The following FOXRED1 variants were observed in gnomAD, a reference collection of about 807,000 sequenced individuals.
FOXRED1 encodes the protein FAD dependent oxidoreductase domain containing 1, also known as FAD-dependent oxidoreductase domain-containing protein 1.
FOXRED1 carries 52 observed loss-of-function variants against 57.8 expected under a neutral mutation model. The ratio of observed to expected loss-of-function variants is 0.90; its 90% CI spans 0.72 to 1.13. FOXRED1 has a LOEUF of 1.13. Ranked by LOEUF, FOXRED1 falls within the 50% of genes most tolerant of loss-of-function variation. FOXRED1 has a pLI of 0.00. For missense variants in FOXRED1, 589 were observed against 625.2 expected, an observed-to-expected ratio of 0.94 and a Z score of 0.62; for synonymous variants, 271 against 248.3, an observed-to-expected ratio of 1.09 and a Z score of -0.86.
chr11:126,277,049 T>C lies in FOXRED1; in HGVS notation c.1102-22T>C, dbSNP rs1296696544. On this transcript the variant is annotated intron_variant, in intron 9 of 10. Coordinates refer to ENST00000263578, the MANE Select transcript of FOXRED1 (RefSeq NM_017547.4). This position sits in a 1 kb window ranked among gnomAD's most constrained non-coding sequence, Gnocchi z 6.8. ...CCTTGTGTCCCAGGCAATGTAAGCG[T>C]TGTCCCCACCTCTCACTCCAGCAGG... is the stretch of plus-strand genomic sequence containing the variant. The C allele has an allele frequency of 6.8e-7, 1 of 1,465,350 alleles. No individual in the cohort carries two copies. The highest frequency in any genetic ancestry group is 1.1e-5 in the South Asian group (1 of 88,148). The allele number at this position is 1,465,350 out of a possible 1,614,324, so 90.8% of individuals were successfully genotyped here.
At position 126,272,751 on chromosome 11, in the gene FOXRED1, T is replaced by C; in HGVS notation, c.307-218T>C. ...TACCATTTTGTACCACTGTGTCAGC[T>C]CTTTCCAGATGACTGACCCTCTCTG... On this transcript the variant is annotated intron_variant, in intron 2 of 10. Transcript: ENST00000263578. This position sits in a 1 kb window ranked among gnomAD's most constrained non-coding sequence, Gnocchi z 4.6. The C allele has an allele frequency of 3.2e-6, 2 of 618,646 alleles. No homozygotes were observed. The highest frequency in any genetic ancestry group is 5.8e-6 in the Non-Finnish European group (2 of 344,072). 38.3% of individuals were successfully genotyped at this position (618,646 alleles called of 1,614,324 possible).
At position 126,275,772 on chromosome 11, in the gene FOXRED1, T is replaced by C; in HGVS notation, c.734-22T>C. 6.4e-7 allele frequency: 1 copy of C among 1,555,916 alleles called. No individual in the cohort carries two copies. Among genetic ancestry groups the C allele is most frequent in the African/African-American group, 1.4e-5 (1 of 73,966 alleles). ...TCCTCTTCAGCACCTCTACGGCCTA[T>C]TTTTCATTTTCTTCTCTGCAGGTTT... On this transcript the variant is annotated intron_variant, in intron 6 of 10. Coordinates refer to ENST00000263578, the MANE Select transcript of FOXRED1 (RefSeq NM_017547.4). This position sits in a 1 kb window ranked among gnomAD's most constrained non-coding sequence, Gnocchi z 5.9.
chr11:126,272,959 C>T lies in FOXRED1; in HGVS notation c.307-10C>T. The T allele has an allele frequency of 7.0e-7, 1 of 1,420,020 alleles. No homozygotes were observed. The highest frequency in any genetic ancestry group is 1.1e-5 in the South Asian group (1 of 87,246). 88.0% of individuals were successfully genotyped at this position (1,420,020 alleles called of 1,614,324 possible). A position where few individuals can be genotyped will look rare whatever the true frequency, so the allele number is the denominator to read the frequency against. On this transcript the variant is annotated splice_polypyrimidine_tract_variant and intron_variant, in intron 2 of 10. Transcript: ENST00000263578. The surrounding 1 kb of genome is among the most constrained non-coding windows in gnomAD (Gnocchi z 4.6). ...ACTGGTCTACCTCAACTTTTCTTGT[C>T]TTTCCACAGTATTCACAGGCCTCCA...
At chr11:126,269,539 G>A in intron 1 of FOXRED1, 1 of 697,572 alleles carries the variant, frequency 1.4e-6, no homozygotes, top group Non-Finnish European at 2.5e-6. Flanking sequence ...ATTGATAATC[G>A]GTGGCACAGA....
chr11:126,275,428 C>A lies in FOXRED1; in HGVS notation c.733C>A (p.Arg245Ser). The A allele has an allele frequency of 6.3e-7, 1 of 1,599,092 alleles. No individual in the cohort carries two copies. Among genetic ancestry groups the A allele is most frequent in the Non-Finnish European group, 8.6e-7 (1 of 1,166,248 alleles). ...GVLFCQGEVT[R>S]FVSSSQRMLT... ...CCTTTTCTGCCAGGGAGAGGTGACA[C>A]GTGAGTCTGAGCTTGTTTCCTCTAG... Residue 245 changes from arginine to serine, a missense_variant and splice_region_variant, in exon 6 of 11, where the codon CGT becomes AGT. Coordinates refer to ENST00000263578, the MANE Select transcript of FOXRED1 (RefSeq NM_017547.4). The surrounding 1 kb of genome is among the most constrained non-coding windows in gnomAD (Gnocchi z 5.9).
chr11:126,273,797 G>T lies in FOXRED1; in HGVS notation c.536+343G>T. Reference sequence around the variant, plus strand: ...AGTTAGCAAACTTTTTCTGTAAAGGGCCAGATAGTATATATTTTAGGTTTT... The same window carrying T: ...AGTTAGCAAACTTTTTCTGTAAAGGTCCAGATAGTATATATTTTAGGTTTT... On this transcript the variant is annotated intron_variant, in intron 4 of 10. Transcript: ENST00000263578. The surrounding 1 kb of genome is among the most constrained non-coding windows in gnomAD (Gnocchi z 5.9). 2.8e-6 allele frequency: 1 copy of T among 357,846 alleles called. No homozygotes were observed. The highest frequency in any genetic ancestry group is 5.4e-6 in the Non-Finnish European group (1 of 185,102). The allele number at this position is 357,846 out of a possible 1,614,324, so 22.2% of individuals were successfully genotyped here.
At position 126,274,239 on chromosome 11, in the gene FOXRED1, G is replaced by C. The variant is rs1027845351; in HGVS notation, c.537-688G>C. 3 of 159,580 alleles carry C rather than the reference G, an allele frequency of 1.9e-5. No individual in the cohort carries two copies. The highest frequency in any genetic ancestry group is 4.2e-5 in the Non-Finnish European group (3 of 72,020). The allele number at this position is 159,580 out of a possible 1,614,324, so 9.9% of individuals were successfully genotyped here. ...TTGGTGTGTCCGCTATGCTGCCTTTGAGGGACAGTGTCCCAGAGGAGATAC... is the reference window on the plus strand; with the variant it reads ...TTGGTGTGTCCGCTATGCTGCCTTTCAGGGACAGTGTCCCAGAGGAGATAC... On this transcript the variant is annotated intron_variant, in intron 4 of 10. Transcript: ENST00000263578. The surrounding 1 kb of genome is among the most constrained non-coding windows in gnomAD (Gnocchi z 4.8).
Position 126,273,426 on chromosome 11 carries a change from G to A in FOXRED1, c.508G>A (p.Ala170Thr). ...GCTGGCTTCAGAAAAGGATGCTGCA[G>A]CCATGGAGAGCAACGTGAAAGTGCA... ...LLLASEKDAA[A>T]MESNVKVQRQ... Residue 170 changes from alanine to threonine, a missense_variant, in exon 4 of 11, where the codon GCC (alanine) becomes ACC (threonine). Transcript: ENST00000263578. The surrounding 1 kb of genome is among the most constrained non-coding windows in gnomAD (Gnocchi z 5.9). 6.2e-7 allele frequency: 1 copy of A among 1,613,776 alleles called. No individual in the cohort carries two copies. The highest frequency in any genetic ancestry group is 2.2e-5 in the East Asian group (1 of 44,888).
chr11:126,274,598 A>C lies in FOXRED1; in HGVS notation c.537-329A>C. The C allele has an allele frequency of 2.9e-6, 1 of 343,738 alleles. No homozygotes were observed. Among genetic ancestry groups the C allele is most frequent in the South Asian group, 2.4e-5 (1 of 41,208 alleles). The allele number at this position is 343,738 out of a possible 1,614,324, so 21.3% of individuals were successfully genotyped here. A position where few individuals can be genotyped will look rare whatever the true frequency, so the allele number is the denominator to read the frequency against. Reference sequence around the variant, plus strand: ...GGGAGGAGGAGGTTGCAGTGAGCCAAGATCGCGCCACTGCACTCCAGCCTG... The same window carrying C: ...GGGAGGAGGAGGTTGCAGTGAGCCACGATCGCGCCACTGCACTCCAGCCTG... On this transcript the variant is annotated intron_variant, in intron 4 of 10. Transcript: ENST00000263578. This position sits in a 1 kb window ranked among gnomAD's most constrained non-coding sequence, Gnocchi z 4.8.
chr11:126,272,615 G>A lies in FOXRED1; in HGVS notation c.307-354G>A. The A allele has an allele frequency of 5.4e-6, 2 of 369,006 alleles. No individual in the cohort carries two copies. Among genetic ancestry groups the A allele is most frequent in the Non-Finnish European group, 5.2e-6 (1 of 193,302 alleles). The allele number at this position is 369,006 out of a possible 1,614,324, so 22.9% of individuals were successfully genotyped here. On this transcript the variant is annotated intron_variant, in intron 2 of 10. Transcript: ENST00000263578. This position sits in a 1 kb window ranked among gnomAD's most constrained non-coding sequence, Gnocchi z 4.6. ...TGGTTTTTACACTTTAGGTGTTCCT[G>A]TTTGCATTGCCAGCTAGCCACGAGT...
rs757915526 is a variant in FOXRED1, at chr11:126,269,265, G to A, written c.59G>A (p.Gly20Asp). ...CGGGGCCTCTTGACCCGGAGGCCAG[G>A]CACGCGCAGAGGAGGCTTTTCTCTG... ...MGRGLLTRRP[G>D]TRRGGFSLDW... is the part of the protein sequence containing the mutation. The change falls in exon 1 of 11, where the codon GGC becomes GAC. Residue 20 changes from glycine to aspartate, a missense_variant. By Grantham distance (94) the Gly-to-Asp change is moderately conservative. Transcript: ENST00000263578. 3.1e-6 allele frequency: 5 copies of A among 1,614,218 alleles called. No homozygotes were observed. The highest frequency in any genetic ancestry group is 2.2e-5 in the South Asian group (2 of 91,086).
Position 126,271,842 on chromosome 11 carries a change from A to C in FOXRED1, c.306+185A>C. The C allele has an allele frequency of 1.6e-6, 1 of 631,988 alleles. No individual in the cohort carries two copies. Among genetic ancestry groups the C allele is most frequent in the Non-Finnish European group, 2.9e-6 (1 of 348,870 alleles). 39.1% of individuals were successfully genotyped at this position (631,988 alleles called of 1,614,324 possible). On this transcript the variant is annotated intron_variant, in intron 2 of 10. Transcript: ENST00000263578. This position sits in a 1 kb window ranked among gnomAD's most constrained non-coding sequence, Gnocchi z 5.3. ...AGGATCTTCCTCAGTCGAACCAGGA[A>C]GCTTGGCAATAAGGTTTGTTCTTTT...
intron 8 of FOXRED1, 85 bp downstream of exon 8, chr11:126,276,304 T>TGG: frequency 4.6e-4 from 2 of 4,312 alleles, no homozygotes; most frequent in African/African-American, 6.5e-3. Context: ...TGTGTGTGTG[T>TGG]GTGTGTGTGT....
In FOXRED1 at chr11:126,271,605, T is replaced by C. The variant is rs761614470; in HGVS notation, c.254T>C (p.Leu85Pro). Residue 85 changes from leucine to proline, a missense_variant, in exon 2 of 11, where the codon CTG becomes CCG. Leu to Pro is a moderately conservative substitution (Grantham distance 98). Coordinates refer to ENST00000263578, the MANE Select transcript of FOXRED1 (RefSeq NM_017547.4). The surrounding 1 kb of genome is among the most constrained non-coding windows in gnomAD (Gnocchi z 5.3). ...TCTGTGGCCTATTGGCTGAAGAAGC[T>C]GGAGAGCAGACGAGGTGCTATTCGA... is the stretch of plus-strand genomic sequence containing the variant. ...GLSVAYWLKKLESRRGAIRVL... is the reference protein window; with the variant it reads ...GLSVAYWLKKPESRRGAIRVL... 25 of 1,613,990 alleles carry C rather than the reference T, an allele frequency of 1.5e-5. No individual in the cohort carries two copies. The highest frequency in any genetic ancestry group is 7.7e-5 in the South Asian group (7 of 91,080).
rs984314632 is a variant in FOXRED1 at position 126,271,833 on chromosome 11, G to A, written c.306+176G>A. ...AATTTTCCTAGGATCTTCCTCAGTC[G>A]AACCAGGAAGCTTGGCAATAAGGTT... On this transcript the variant is annotated intron_variant, in intron 2 of 10. Coordinates refer to ENST00000263578, the MANE Select transcript of FOXRED1 (RefSeq NM_017547.4). This position sits in a 1 kb window ranked among gnomAD's most constrained non-coding sequence, Gnocchi z 5.3. 17 of 643,250 alleles carry A rather than the reference G, an allele frequency of 2.6e-5. No homozygotes were observed. The highest frequency in any genetic ancestry group is 1.6e-4 in the African/African-American group (9 of 55,382). 39.8% of individuals were successfully genotyped at this position (643,250 alleles called of 1,614,324 possible). A position where few individuals can be genotyped will look rare whatever the true frequency, so the allele number is the denominator to read the frequency against.
At position 126,277,283 on chromosome 11, in the gene FOXRED1, T is replaced by C; in HGVS notation, c.1206+108T>C. ...ACCCGTGACTGCCGTAGTCCCTCCA[T>C]GTCACAACTGCTAAGGAATTTCTTG... On this transcript the variant is annotated intron_variant, in intron 10 of 10. Coordinates refer to ENST00000263578, the MANE Select transcript of FOXRED1 (RefSeq NM_017547.4). This position sits in a 1 kb window ranked among gnomAD's most constrained non-coding sequence, Gnocchi z 6.8. 8.4e-7 allele frequency: 1 copy of C among 1,194,678 alleles called. No homozygotes were observed. Among genetic ancestry groups the C allele is most frequent in the African/African-American group, 1.5e-5 (1 of 67,024 alleles). 74.0% of individuals were successfully genotyped at this position (1,194,678 alleles called of 1,614,324 possible).
chr11:126,270,573 A>G (rs478309), intron 1 of FOXRED1, among the ~76,000 whole-genome samples: 110,629 of 152,086 alleles, frequency 0.73, 41,305 homozygotes, highest in East Asian at 1. Context: ...CAGAGAGCAT[A>G]TGTAGGTTCC....
chr11:126,277,608 G>T lies in FOXRED1; in HGVS notation c.1380G>T (p.Arg460Ser), dbSNP rs918980920. 1.1e-5 allele frequency: 18 copies of T among 1,613,650 alleles called. No homozygotes were observed. Among genetic ancestry groups the T allele is most frequent in the Non-Finnish European group, 1.5e-5 (18 of 1,179,976 alleles). Reference protein sequence around the residue: ...RAVAEMVLKGRFQTIDLSPFL... With the variant: ...RAVAEMVLKGSFQTIDLSPFL... ...TAGCAGAGATGGTACTGAAGGGCAG[G>T]TTCCAGACCATCGACCTGAGCCCCT... Residue 460 changes from arginine to serine, a missense_variant, in exon 11 of 11, where the codon AGG (arginine) becomes AGT (serine). Physicochemically the swap from Arg to Ser is moderately radical, Grantham distance 110. Transcript: ENST00000263578. The surrounding 1 kb of genome is among the most constrained non-coding windows in gnomAD (Gnocchi z 6.8).
Position 126,271,758 on chromosome 11 carries a change from A to C in FOXRED1, c.306+101A>C. 4.2e-6 allele frequency: 4 copies of C among 958,518 alleles called. No homozygotes were observed. The highest frequency in any genetic ancestry group is 5.0e-6 in the Non-Finnish European group (3 of 605,628). The allele number at this position is 958,518 out of a possible 1,614,324, so 59.4% of individuals were successfully genotyped here. ...GGGAAGGAGAGGAGGGGAAGACCTC[A>C]ATCTCGGAGGGTCCAACGGACAGAG... On this transcript the variant is annotated intron_variant, in intron 2 of 10. Coordinates refer to ENST00000263578, the MANE Select transcript of FOXRED1 (RefSeq NM_017547.4). The surrounding 1 kb of genome is among the most constrained non-coding windows in gnomAD (Gnocchi z 5.3).
Sources: gnomAD v4.1 joint callset for allele counts (sites outside exome capture counted in the v4.1 genomes callset) on GRCh38, gnomAD v4.1.1 for gene constraint, Gnocchi (gnomAD v3.1) non-coding constraint, MANE v1.5 for transcripts, NCBI Gene and HGNC (gene_info 2026-07-23, HGNC 2026-07-21) for gene names.